The following ATG7 variants were observed in gnomAD, a reference collection of about 807,000 sequenced individuals.
ATG7 encodes the protein ubiquitin-like modifier-activating enzyme ATG7.
A neutral mutation model predicts 82.4 loss-of-function variants in ATG7; 70 were observed. The ratio of observed to expected loss-of-function variants is 0.85; its 90% CI spans 0.70 to 1.04. The LOEUF is 1.04. Ranked by LOEUF, ATG7 falls within the 50% of genes least tolerant of loss-of-function variation. The pLI is 0.00. For synonymous variants in ATG7, 287 were observed against 313.0 expected, an observed-to-expected ratio of 0.92 and a Z score of 0.88; for missense variants, 792 against 864.3, an observed-to-expected ratio of 0.92 and a Z score of 1.05.
intron 20 of ATG7, among the ~76,000 whole-genome samples, chr3:11,463,100 G>T (rs1345055281): frequency 6.6e-6 from 1 of 151,946 alleles, no homozygotes; most frequent in Admixed American, 6.6e-5. Flanking sequence ...GATCAGGCTG[G>T]TCTCAAACTC....
chr3:11,333,452 A>G (rs1310133413), intron 11 of ATG7, among the ~76,000 whole-genome samples: 2 of 152,208 alleles, frequency 1.3e-5, no homozygotes, highest in South Asian at 2.1e-4. Flanking sequence ...TATTTGTTAT[A>G]TACTTAAAGT....
At chr3:11,428,874 G>GGT (rs1429058609) in intron 20 of ATG7, among the ~76,000 whole-genome samples, 6 of 152,106 alleles carry the variant, frequency 3.9e-5, no homozygotes, top group Non-Finnish European at 8.8e-5. Flanking sequence ...TAGAATAGTG[G>GGT]GTAGGTTTCT....
chr3:11,480,181 T>A (rs1382450921), intron 20 of ATG7, among the ~76,000 whole-genome samples: 1 of 152,132 alleles, frequency 6.6e-6, no homozygotes, highest in African/African-American at 2.4e-5. Flanking sequence ...TCCACCTGCC[T>A]TGGCCTCCCA....
intron 20 of ATG7, among the ~76,000 whole-genome samples, chr3:11,516,044 AAAC>A (rs1559786651): frequency 1.3e-5 from 2 of 151,472 alleles, no homozygotes; most frequent in South Asian, 2.1e-4. Context: ...AAAAAAAAAA[AAAC>A]AAAAAAACAT....
chr3:11,307,827 GC>G (rs1948001357), intron 6 of ATG7, among the ~76,000 whole-genome samples: 1 of 152,218 alleles, frequency 6.6e-6, no homozygotes, highest in African/African-American at 2.4e-5. Flanking sequence ...TGGTGTGGGT[GC>G]AGTGGTCAGG....
intron 20 of ATG7, among the ~76,000 whole-genome samples, chr3:11,481,484 T>C (rs370762942): frequency 7.2e-5 from 11 of 152,368 alleles, no homozygotes; most frequent in East Asian, 5.8e-4. Context: ...ACATTTCTTA[T>C]ATTTTACGTG....
chr3:11,301,085 G>C (rs370568365), intron 5 of ATG7, among the ~76,000 whole-genome samples: 10 of 152,264 alleles, frequency 6.6e-5, no homozygotes, highest in African/African-American at 2.2e-4. Flanking sequence ...AGGACACAGG[G>C]GTTGTCAGAG....
intron 20 of ATG7, among the ~76,000 whole-genome samples, chr3:11,495,244 A>G (rs1476591835): frequency 6.6e-6 from 1 of 152,174 alleles, no homozygotes; most frequent in Non-Finnish European, 1.5e-5. Flanking sequence ...ACCTTGAAGT[A>G]TGGACAGAAT....
At chr3:11,359,784 G>A (rs1403370360) in intron 15 of ATG7, among the ~76,000 whole-genome samples, 1 of 151,890 alleles carries the variant, frequency 6.6e-6, no homozygotes, top group East Asian at 1.9e-4. Context: ...CCAGCTACTG[G>A]GATACCAAAA....
intron 19 of ATG7, among the ~76,000 whole-genome samples, chr3:11,417,728 C>T (rs1034398484): frequency 6.7e-6 from 1 of 149,786 alleles, no homozygotes; most frequent in African/African-American, 2.4e-5. Flanking sequence ...TTCTTTTTTG[C>T]TATATTTGTC....
intron 9 of ATG7, among the ~76,000 whole-genome samples, chr3:11,319,523 A>C (rs2594992): frequency 0.27 from 41,765 of 152,022 alleles, 7,190 homozygotes; most frequent in Non-Finnish European, 0.39. Context: ...GGGTTATCTC[A>C]TTGTGCCTAC....
At chr3:11,456,718 G>A (rs552405538) in intron 20 of ATG7, among the ~76,000 whole-genome samples, 2 of 152,078 alleles carry the variant, frequency 1.3e-5, no homozygotes, top group Non-Finnish European at 2.9e-5. Flanking sequence ...ATTACTGTTT[G>A]GACTCAAAAA....
intron 14 of ATG7, among the ~76,000 whole-genome samples, chr3:11,357,710 A>G (rs747870804): frequency 6.6e-6 from 1 of 152,138 alleles, no homozygotes; most frequent in African/African-American, 2.4e-5. Context: ...GAGATAGCCC[A>G]GTTGGAAAGA....
intron 5 of ATG7, among the ~76,000 whole-genome samples, chr3:11,300,157 C>A (rs1374074050): frequency 6.6e-6 from 1 of 152,156 alleles, no homozygotes; most frequent in Admixed American, 6.6e-5. Flanking sequence ...GAACTCCTGA[C>A]TTCAAGTGAT....
intron 15 of ATG7, among the ~76,000 whole-genome samples, chr3:11,359,371 C>A (rs1157906619): frequency 6.6e-6 from 1 of 152,020 alleles, no homozygotes; most frequent in African/African-American, 2.4e-5. Context: ...TAAATTAGAA[C>A]TATGAAAAGT....
intron 9 of ATG7, among the ~76,000 whole-genome samples, chr3:11,328,319 T>G (rs529302108): frequency 6.2e-4 from 94 of 152,292 alleles, no homozygotes; most frequent in Non-Finnish European, 1.1e-3. Flanking sequence ...TAGGCCTCAT[T>G]TAGTAAGAGA....
intron 20 of ATG7, among the ~76,000 whole-genome samples, chr3:11,505,873 A>C (rs190510922): frequency 6.6e-6 from 1 of 152,230 alleles, no homozygotes; most frequent in African/African-American, 2.4e-5. Context: ...GAGAGCTGAA[A>C]GGTACACAGT....
intron 20 of ATG7, chr3:11,477,236 C>T: frequency 7.8e-7 from 1 of 1,281,956 alleles, no homozygotes. Context: ...TTATTCCTCG[C>T]CCATCTGATT....
In ATG7 at chr3:11,380,032, T is replaced by C; in HGVS notation, c.1936T>C (p.Cys646Arg). 2.5e-6 allele frequency: 4 copies of C among 1,614,038 alleles called. No homozygotes were observed. The highest frequency in any genetic ancestry group is 3.4e-6 in the Non-Finnish European group (4 of 1,179,914). The part of the protein sequence containing the change: ...VLPVSLAFDK[C>R]TACSSKVLDQ... ...TCCCGTCAGCCTGGCATTTGACAAATGTACAGCTTGTTCTTCCAAAGTAAG... is the reference window on the plus strand; with the variant it reads ...TCCCGTCAGCCTGGCATTTGACAAACGTACAGCTTGTTCTTCCAAAGTAAG... The change falls in exon 19 of 21, where the codon TGT becomes CGT. Residue 646 changes from cysteine (C) to arginine (R), a missense_variant. By Grantham distance (180) the Cys-to-Arg change is radical. Coordinates refer to ENST00000693202, the MANE Select transcript of ATG7 (RefSeq NM_001349232.2).
Sources: allele counts gnomAD v4.1 joint callset (sites outside exome capture counted in the v4.1 genomes callset), GRCh38; gene constraint gnomAD v4.1.1; transcripts MANE v1.5; gene names NCBI Gene and HGNC (gene_info 2026-07-23, HGNC 2026-07-21).